The following SARDH variants were observed in gnomAD, a reference collection of about 807,000 sequenced individuals.
The protein encoded by SARDH is sarcosine dehydrogenase.
SARDH carries 95 observed loss-of-function variants against 109.1 expected under a neutral mutation model. The ratio of observed to expected loss-of-function variants is 0.87; its 90% CI spans 0.74 to 1.03. SARDH has a LOEUF of 1.03. Ranked by LOEUF, SARDH falls within the 50% of genes least tolerant of loss-of-function variation. The pLI is 0.00. For missense variants in SARDH, 1,267 were observed against 1,287.8 expected, an observed-to-expected ratio of 0.98 and a Z score of 0.25; for synonymous variants, 572 against 534.8, an observed-to-expected ratio of 1.07 and a Z score of -0.96.
chr9:133,717,097 C>T (rs1052153795), intron 8 of SARDH, among the ~76,000 whole-genome samples: 3 of 152,180 alleles, frequency 2.0e-5, no homozygotes, highest in Admixed American at 6.5e-5. Flanking sequence ...GCCCTGGCCT[C>T]GTGCTTGGGG....
At chr9:133,734,420 T>C (rs10993782) in intron 1 of SARDH, among the ~76,000 whole-genome samples, 1,990 of 63,040 alleles carry the variant, frequency 0.032, 53 homozygotes, top group East Asian at 0.074. Flanking sequence ...CATTCATTCA[T>C]TCATTCACTC....
At chr9:133,661,010 C>G (rs980079930), downstream of SARDH, among the ~76,000 whole-genome samples, 7 of 152,182 alleles carry the variant, frequency 4.6e-5, no homozygotes. Flanking sequence ...CAAGACCAGC[C>G]TGGGCAACAT....
At chr9:133,729,228 C>T (rs1175660141) in intron 6 of SARDH, among the ~76,000 whole-genome samples, 2 of 151,866 alleles carry the variant, frequency 1.3e-5, no homozygotes, top group Non-Finnish European at 2.9e-5. Context: ...GCAGGAAGCT[C>T]CCAGCCACCA....
chr9:133,684,254 CCACACACCTGTGT>C (rs1830805990), intron 17 of SARDH, among the ~76,000 whole-genome samples: 1 of 152,218 alleles, frequency 6.6e-6, no homozygotes, highest in African/African-American at 2.4e-5. Context: ...AGGGAGGCGG[CCACACACCTGTGT>C]CACACAGGAG....
intron 17 of SARDH, among the ~76,000 whole-genome samples, chr9:133,674,025 C>T (rs750860229): frequency 1.3e-5 from 2 of 152,174 alleles, no homozygotes; most frequent in East Asian, 3.9e-4. Context: ...AGGAGCAAAA[C>T]GGGGGCCACA....
At chr9:133,684,910 C>T (rs1830829511) in intron 17 of SARDH, among the ~76,000 whole-genome samples, 1 of 152,206 alleles carries the variant, frequency 6.6e-6, no homozygotes, top group South Asian at 2.1e-4. Flanking sequence ...GCGATGCAGG[C>T]AGTGAGGCCA....
chr9:133,671,704 G>C lies in SARDH; in HGVS notation c.2164-7C>G, dbSNP rs981606186. On this transcript the variant is annotated splice_polypyrimidine_tract_variant and splice_region_variant and intron_variant, in intron 17 of 20. Transcript: ENST00000439388. ...ACAGCCGCATGGCTCGGACCTGGGG[G>C]ACAAGGTCATGGCTTAGATGTGGCC... The C allele has an allele frequency of 6.4e-7, 1 of 1,563,060 alleles. No homozygotes were observed. Among genetic ancestry groups the C allele is most frequent in the African/African-American group, 1.4e-5 (1 of 73,666 alleles).
chr9:133,735,703 T>TAGAAC (rs879446270), intron 1 of SARDH, among the ~76,000 whole-genome samples: 4 of 152,186 alleles, frequency 2.6e-5, no homozygotes, highest in African/African-American at 7.2e-5. Context: ...AACTGACCCT[T>TAGAAC]TGCTCATTCT....
chr9:133,687,732 G>T (rs1830935501), intron 16 of SARDH, among the ~76,000 whole-genome samples: 1 of 152,180 alleles, frequency 6.6e-6, no homozygotes, highest in African/African-American at 2.4e-5. Flanking sequence ...AAGTTCCATG[G>T]GGCAGCAGCT....
chr9:133,694,065 A>T (rs1473072860), intron 15 of SARDH, among the ~76,000 whole-genome samples, 193 bp downstream of exon 15: 1 of 152,188 alleles, frequency 6.6e-6, no homozygotes, highest in Non-Finnish European at 1.5e-5. Context: ...AGCTCCAGCA[A>T]TGCCGCCTGA....
At chr9:133,689,072 C>T (rs1353541609) in intron 16 of SARDH, among the ~76,000 whole-genome samples, 1 of 152,170 alleles carries the variant, frequency 6.6e-6, no homozygotes, top group Non-Finnish European at 1.5e-5. Context: ...CTGGGCACTC[C>T]AGCCAGAGGT....
At position 133,670,624 on chromosome 9, in the gene SARDH, C is replaced by A; in HGVS notation, c.2455G>T (p.Ala819Ser). Residue 819 changes from alanine to serine, a missense_variant, in exon 19 of 21, where the codon GCA becomes TCA. By Grantham distance (99) the Ala-to-Ser change is moderately conservative. Coordinates refer to ENST00000439388, the MANE Select transcript of SARDH (RefSeq NM_001134707.2). The part of the protein sequence containing the change: ...GREALEQQRA[A>S]GLRRRLVCFT... ...CACACCAGGCGCCGGCGGAGGCCTG[C>A]GGCCCGCTGCTGCTCCAGGGCCTCC... 6.3e-7 allele frequency: 1 copy of A among 1,579,414 alleles called. No individual in the cohort carries two copies. Among genetic ancestry groups the A allele is most frequent in the Non-Finnish European group, 8.6e-7 (1 of 1,163,158 alleles).
At chr9:133,713,328 T>C (rs1564282970) in intron 8 of SARDH, among the ~76,000 whole-genome samples, 1 of 151,758 alleles carries the variant, frequency 6.6e-6, no homozygotes, top group Non-Finnish European at 1.5e-5. Context: ...CCCCTCCACG[T>C]GTGCTGCCAG....
intron 17 of SARDH, among the ~76,000 whole-genome samples, chr9:133,679,971 C>T (rs1830641395): frequency 6.6e-6 from 1 of 152,224 alleles, no homozygotes; most frequent in East Asian, 1.9e-4. Context: ...TCGCCTGCAT[C>T]TGGTTGGCTG....
intron 7 of SARDH, among the ~76,000 whole-genome samples, chr9:133,717,769 T>C (rs1180390611): frequency 6.6e-6 from 1 of 152,110 alleles, no homozygotes; most frequent in East Asian, 1.9e-4. Flanking sequence ...CTGTATGGCA[T>C]GTGCCAGCCT....
chr9:133,688,884 CG>C (rs953625033), intron 16 of SARDH, among the ~76,000 whole-genome samples: 1 of 152,234 alleles, frequency 6.6e-6, no homozygotes, highest in Non-Finnish European at 1.5e-5. Context: ...TTAAAGCACT[CG>C]ACCCTCTCCG....
intron 3 of SARDH, 145 bp from the exon 4 acceptor site, chr9:133,731,629 C>T (rs1832685656): frequency 1.3e-6 from 1 of 754,578 alleles, no homozygotes; most frequent in Non-Finnish European, 2.1e-6. Flanking sequence ...GGAGCCTGTC[C>T]CTTGAATCCG....
chr9:133,708,901 C>T (rs1382935495), intron 10 of SARDH, among the ~76,000 whole-genome samples: 2 of 152,088 alleles, frequency 1.3e-5, no homozygotes, highest in Non-Finnish European at 2.9e-5. Flanking sequence ...TGTCCCCCTC[C>T]TCATCAAGGA....
In SARDH at chr9:133,730,201, G is replaced by A. The variant is rs771603024; in HGVS notation, c.691-14C>T. 6.2e-7 allele frequency: 1 copy of A among 1,613,950 alleles called. No individual in the cohort carries two copies. The highest frequency in any genetic ancestry group is 1.1e-5 in the South Asian group (1 of 91,080). The stretch of plus-strand genomic sequence containing the variant: ...GTTCTCAATGACCTGGAATTGAGAG[G>A]AACTGCTTCTAAAATCCCACGGGAC... On this transcript the variant is annotated splice_polypyrimidine_tract_variant and intron_variant, in intron 4 of 20. Transcript: ENST00000439388.
Sources: allele counts gnomAD v4.1 joint callset (sites outside exome capture counted in the v4.1 genomes callset), GRCh38; gene constraint gnomAD v4.1.1; transcripts MANE v1.5; gene names NCBI Gene and HGNC (gene_info 2026-07-23, HGNC 2026-07-21).